Variants in FER observed in about 807,000 individuals in gnomAD.
FER encodes tyrosine-protein kinase Fer.
FER carries 63 observed loss-of-function variants against 111.0 expected under a neutral mutation model. That is an observed-to-expected ratio of 0.57 (90% CI 0.46 to 0.70). The LOEUF (loss-of-function observed/expected upper bound fraction) is 0.70, where lower values mean the gene tolerates loss of function less well. Among genes scored for constraint, FER ranks in the 30% least tolerant of loss-of-function variants. The pLI, the probability that FER is intolerant of heterozygous loss-of-function variation, is 0.00. For synonymous variants in FER, 327 were observed against 313.9 expected (o/e 1.04, Z -0.44); for missense variants, 914 against 954.0 (o/e 0.96, Z 0.55).
At chr5:108,841,161 G>T (rs1761227218) in intron 5 of FER, among the ~76,000 whole-genome samples, 3 of 152,168 alleles carry the variant, frequency 2.0e-5, no homozygotes, top group Admixed American at 1.3e-4. Flanking sequence ...ACCCTTTAAG[G>T]TAATGCTGGC....
intron 17 of FER, among the ~76,000 whole-genome samples, chr5:109,107,256 A>G (rs1749050640): frequency 6.6e-6 from 1 of 152,144 alleles, no homozygotes; most frequent in Admixed American, 6.6e-5. Context: ...ACAATTACAA[A>G]TGGTTACAGT....
rs1017648264 is a variant in FER, at chr5:108,889,527, A to C, written c.1046+6009A>C. ...ATTTGAACTCCTGGAGATAGAGAGTAGAAGGATGGTTATCAGAGGCTGGGA... is the reference window on the plus strand; with the variant it reads ...ATTTGAACTCCTGGAGATAGAGAGTCGAAGGATGGTTATCAGAGGCTGGGA... On this transcript the variant is annotated intron_variant, in intron 9 of 19. Coordinates refer to ENST00000281092, the MANE Select transcript of FER (RefSeq NM_005246.4). Among the ~76,000 whole-genome samples, 3 of 152,148 alleles carry C rather than the reference A, an allele frequency of 2.0e-5. No individual in the cohort carries two copies. In the South Asian group the frequency reaches 6.2e-4, roughly 32 times the overall value.
chr5:108,877,334 G>C (rs79412456), intron 8 of FER, among the ~76,000 whole-genome samples: 5,776 of 152,262 alleles, frequency 0.038, 169 homozygotes, highest in Middle Eastern at 0.089. Context: ...TTGAAGTCAG[G>C]TGACATGTCG....
At chr5:109,014,403 C>G (rs903670304) in intron 13 of FER, among the ~76,000 whole-genome samples, 10 of 152,118 alleles carry the variant, frequency 6.6e-5, no homozygotes, top group East Asian at 3.9e-4. Flanking sequence ...GATATACGGC[C>G]TTATTTCTGA....
rs953215581 is a variant in FER at position 109,023,041 on chromosome 5, A to T, written c.1657-14381A>T. Among the ~76,000 whole-genome samples, 13 of 152,228 alleles carry T rather than the reference A, an allele frequency of 8.5e-5. No homozygotes were observed. The South Asian group carries it at 2.3e-3, about 27-fold the overall frequency. ...CCACATCTTTTTTCTTATGTGTAAAATGTATGTAAAGGGAGGATGGAAGCA... is the reference window on the plus strand; with the variant it reads ...CCACATCTTTTTTCTTATGTGTAAATTGTATGTAAAGGGAGGATGGAAGCA... On this transcript the variant is annotated intron_variant, in intron 13 of 19. Coordinates refer to ENST00000281092, the MANE Select transcript of FER (RefSeq NM_005246.4).
chr5:108,970,708 A>C (rs1054343504), intron 13 of FER, among the ~76,000 whole-genome samples: 1 of 152,172 alleles, frequency 6.6e-6, no homozygotes, highest in African/African-American at 2.4e-5. Flanking sequence ...ATGAACTTGA[A>C]GTAGGTCTTG....
rs1472779510 is a variant in FER at position 109,187,369 on chromosome 5, C to G, written c.2327-64C>G. Reference sequence around the variant, plus strand: ...CAAAAGTTAATAACTGCATAATGCCCTGTGTGAACATTTTGTGTCTTACCT... The same window carrying G: ...CAAAAGTTAATAACTGCATAATGCCGTGTGTGAACATTTTGTGTCTTACCT... On this transcript the variant is annotated intron_variant, in intron 19 of 19. Coordinates refer to ENST00000281092, the MANE Select transcript of FER (RefSeq NM_005246.4). 5 of 1,538,476 alleles carry G rather than the reference C, an allele frequency of 3.2e-6. No homozygotes were observed. The African/African-American group carries it at 6.9e-5, about 21-fold the overall frequency.
chr5:109,065,220 A>G (rs1581872545), intron 16 of FER, among the ~76,000 whole-genome samples: 2 of 152,188 alleles, frequency 1.3e-5, no homozygotes, highest in Admixed American at 1.3e-4. Flanking sequence ...AACAGTTTGG[A>G]GCCCATACTG....
At chr5:108,753,476 A>G (rs981268845) in intron 1 of FER, among the ~76,000 whole-genome samples, 2 of 151,940 alleles carry the variant, frequency 1.3e-5, no homozygotes, top group African/African-American at 4.8e-5. Flanking sequence ...TTCCTGATTT[A>G]TTTTTCTTTT....
chr5:108,854,977 A>G (rs934877743), intron 5 of FER, among the ~76,000 whole-genome samples: 4 of 145,784 alleles, frequency 2.7e-5, no homozygotes, highest in South Asian at 2.2e-4. Flanking sequence ...AAAAAAGCGT[A>G]GAGGATTTGC....
At chr5:108,892,063 C>A (rs1383375561) in intron 9 of FER, among the ~76,000 whole-genome samples, 4 of 152,052 alleles carry the variant, frequency 2.6e-5, no homozygotes, top group South Asian at 2.1e-4. Context: ...TCCAGTCTAT[C>A]ATTGTTGGAC....
At chr5:109,123,296 C>T (rs1023447570) in intron 17 of FER, among the ~76,000 whole-genome samples, 2 of 151,840 alleles carry the variant, frequency 1.3e-5, no homozygotes, top group Non-Finnish European at 2.9e-5. Flanking sequence ...GCTGGGTCTA[C>T]AGGCACCCGC....
rs567273369 is a variant in FER at position 109,167,455 on chromosome 5, C to G, written c.2049-13292C>G. Among the ~76,000 whole-genome samples, 193 of 152,186 alleles carry G rather than the reference C, an allele frequency of 1.3e-3. 1 individual carries two copies. Among genetic ancestry groups the G allele is most frequent in the Non-Finnish European group, 2.3e-3 (153 of 67,996 alleles). On this transcript the variant is annotated intron_variant, in intron 17 of 19. Transcript: ENST00000281092. ...ATGTTTCCTGATTCAGTTCCCAGATCAAATAACCAGAAATGATCATCTCTT... is the reference window on the plus strand; with the variant it reads ...ATGTTTCCTGATTCAGTTCCCAGATGAAATAACCAGAAATGATCATCTCTT...
rs1759310485 is a variant in FER, at chr5:109,190,584, T to C, written c.*3009T>C. 1 of 152,156 alleles carries C rather than the reference T, an allele frequency of 6.6e-6. No homozygotes were observed. The highest frequency in any genetic ancestry group is 1.5e-5 in the Non-Finnish European group (1 of 68,008). 9.4% of individuals were successfully genotyped at this position (152,156 alleles called of 1,614,324 possible). On this transcript the variant is annotated 3_prime_UTR_variant, in exon 20 of 20. Coordinates refer to ENST00000281092, the MANE Select transcript of FER (RefSeq NM_005246.4). ...CCTAAAATTAATTTTGCATTCCATG[T>C]AATCTAAGGCCAAAGCCAACATATT...
At chr5:109,047,462 T>C (rs1221634003) in intron 16 of FER, among the ~76,000 whole-genome samples, 2 of 152,230 alleles carry the variant, frequency 1.3e-5, no homozygotes, top group African/African-American at 2.4e-5. Flanking sequence ...TATACATCTT[T>C]ATGTGCAAAA....
chr5:108,763,860 C>T (rs1196941823), intron 1 of FER, among the ~76,000 whole-genome samples: 1 of 152,148 alleles, frequency 6.6e-6, no homozygotes, highest in African/African-American at 2.4e-5. Flanking sequence ...GACATTTCTC[C>T]GTTTCTCTTC....
At position 109,192,355 on chromosome 5, in the gene FER, T is replaced by C. The variant is rs1258690170; in HGVS notation, c.*4780T>C. On this transcript the variant is annotated 3_prime_UTR_variant, in exon 20 of 20. Transcript: ENST00000281092. ...GAGAACATGCTACAAGGCCAGATCC[T>C]GTCCTATGGAAAATAAAAAAGATCA... 6.6e-6 allele frequency: 1 copy of C among 152,144 alleles called. No homozygotes were observed. The highest frequency in any genetic ancestry group is 1.5e-5 in the Non-Finnish European group (1 of 68,026). 9.4% of individuals were successfully genotyped at this position (152,144 alleles called of 1,614,324 possible).
chr5:108,817,370 A>G, intron 3 of FER, among the ~76,000 whole-genome samples: 1 of 152,132 alleles, frequency 6.6e-6, no homozygotes, highest in Middle Eastern at 3.2e-3. Flanking sequence ...TTCTTATGTA[A>G]TGGGCAAACT....
At chr5:108,964,728 G>T (rs1480322086) in intron 13 of FER, among the ~76,000 whole-genome samples, 2 of 152,126 alleles carry the variant, frequency 1.3e-5, no homozygotes, top group Non-Finnish European at 2.9e-5. Flanking sequence ...TTCATAGTGG[G>T]TCTCTTGAAA....
Sources: allele counts gnomAD v4.1 joint callset (sites outside exome capture counted in the v4.1 genomes callset), GRCh38; gene constraint gnomAD v4.1.1; transcripts MANE v1.5; gene names NCBI Gene and HGNC (gene_info 2026-07-23, HGNC 2026-07-21).